PCDHGB5: variants seen among roughly 807,000 people sequenced by gnomAD.
The protein encoded by PCDHGB5 is protocadherin gamma-B5.
Under a neutral mutation model 62.9 loss-of-function variants are expected in PCDHGB5, and 48 were observed. That is an observed-to-expected ratio of 0.76 (90% CI 0.61 to 0.97). The LOEUF is 0.97. Ranked by LOEUF, PCDHGB5 falls within the 50% of genes least tolerant of loss-of-function variation. PCDHGB5 has a pLI of 0.00. For missense variants in PCDHGB5, 1,118 were observed against 1,198.6 expected (o/e 0.93, Z 0.99); for synonymous variants, 474 against 511.2 (o/e 0.93, Z 0.98).
At position 141,426,001 on chromosome 5, in the gene PCDHGB5, T is replaced by C. The variant is rs553657872; in HGVS notation, c.2397+25477T>C. Among the ~76,000 whole-genome samples, 3 of 152,318 alleles carry C rather than the reference T, an allele frequency of 2.0e-5. No individual in the cohort carries two copies. In the South Asian group the frequency reaches 6.2e-4, roughly 32 times the overall value. The stretch of plus-strand genomic sequence containing the variant: ...TGAATCCCATTGAATTAGCAAAGGC[T>C]TCCGGCTGCAGTTTTCTAAATAGAC... On this transcript the variant is annotated intron_variant, in intron 1 of 3. Transcript: ENST00000617380.
chr5:141,491,666 G>T lies in PCDHGB5; in HGVS notation c.2398-3141G>T, dbSNP rs373526771. Reference sequence around the variant, plus strand: ...CTGGCGCTGGAGCCTGACGCCATCCGGTCCCGCTCTAATACGCTGCGGGAG... The same window carrying T: ...CTGGCGCTGGAGCCTGACGCCATCCTGTCCCGCTCTAATACGCTGCGGGAG... On this transcript the variant is annotated intron_variant, in intron 1 of 3. Transcript: ENST00000617380. This position sits in a 1 kb window ranked among gnomAD's most constrained non-coding sequence, Gnocchi z 6.9. 1.2e-6 allele frequency: 2 copies of T among 1,613,732 alleles called. No homozygotes were observed. Among genetic ancestry groups the T allele is most frequent in the Non-Finnish European group, 1.7e-6 (2 of 1,180,008 alleles).
intron 1 of PCDHGB5, chr5:141,422,550 G>A: frequency 6.2e-7 from 1 of 1,613,978 alleles, no homozygotes; most frequent in Non-Finnish European, 8.5e-7. Flanking sequence ...ATGTCTGGCT[G>A]AATGTGGCAG....
At chr5:141,403,892 T>C in intron 1 of PCDHGB5, 1 of 1,613,820 alleles carries the variant, frequency 6.2e-7, no homozygotes, top group Non-Finnish European at 8.5e-7. Flanking sequence ...AGAATGTTCA[T>C]TTTATGAAAT....
intron 1 of PCDHGB5, chr5:141,428,805 C>G (rs1468764398): frequency 6.6e-6 from 1 of 152,108 alleles, no homozygotes; most frequent in African/African-American, 2.4e-5. Flanking sequence ...GGGCCAGTAA[C>G]TTCATTATTA....
chr5:141,483,350 G>C (rs2099580423), intron 1 of PCDHGB5, among the ~76,000 whole-genome samples: 4 of 152,172 alleles, frequency 2.6e-5, no homozygotes, highest in Admixed American at 1.3e-4. Flanking sequence ...CTTTGCAATA[G>C]TTTGAAAGCT....
chr5:141,484,709 C>G (rs1223957454), intron 1 of PCDHGB5, among the ~76,000 whole-genome samples: 1 of 151,072 alleles, frequency 6.6e-6, no homozygotes, highest in Non-Finnish European at 1.5e-5. Context: ...TTTTCCCCGC[C>G]GAAAAGGGGC....
At chr5:141,407,512 T>G (rs910710605) in intron 1 of PCDHGB5, among the ~76,000 whole-genome samples, 3 of 152,192 alleles carry the variant, frequency 2.0e-5, no homozygotes, top group Non-Finnish European at 4.4e-5. Flanking sequence ...TCTTAGGCTA[T>G]GTAGGACTTA....
intron 1 of PCDHGB5, 191 bp downstream of exon 1, chr5:141,400,715 T>C: frequency 1.5e-6 from 1 of 682,576 alleles, no homozygotes; most frequent in Non-Finnish European, 2.4e-6. Context: ...AGTAGCCTTA[T>C]AGATTTACAA....
At chr5:141,424,723 T>A (rs2096836963) in intron 1 of PCDHGB5, 2 of 152,144 alleles carry the variant, frequency 1.3e-5, no homozygotes, top group African/African-American at 4.8e-5. Context: ...TAGTTGGGAG[T>A]CATAGATTCC....
rs2099404338 is a variant in PCDHGB5, at chr5:141,477,060, C to T, written c.2398-17747C>T. On this transcript the variant is annotated intron_variant, in intron 1 of 3. Coordinates refer to ENST00000617380, the MANE Select transcript of PCDHGB5 (RefSeq NM_018925.3). This position sits in a 1 kb window ranked among gnomAD's most constrained non-coding sequence, Gnocchi z 4.9. Reference sequence around the variant, plus strand: ...AAGGGTCGGCTGGACTTCGAGGACACCAAACTCCATGAGATTTACATCCAG... The same window carrying T: ...AAGGGTCGGCTGGACTTCGAGGACATCAAACTCCATGAGATTTACATCCAG... 3.7e-6 allele frequency: 6 copies of T among 1,614,256 alleles called. No individual in the cohort carries two copies. The highest frequency in any genetic ancestry group is 5.1e-6 in the Non-Finnish European group (6 of 1,180,046).
chr5:141,491,361 C>T lies in PCDHGB5; in HGVS notation c.2398-3446C>T. 1 of 1,614,132 alleles carries T rather than the reference C, an allele frequency of 6.2e-7. No homozygotes were observed. The highest frequency in any genetic ancestry group is 8.5e-7 in the Non-Finnish European group (1 of 1,179,982). ...CGACCGTCAGTCTCTTATCCCTAGT[C>T]ACCTTCACCTTTCTGTCAGCGAAGT... On this transcript the variant is annotated intron_variant, in intron 1 of 3. Transcript: ENST00000617380. The surrounding 1 kb of genome is among the most constrained non-coding windows in gnomAD (Gnocchi z 6.9).
chr5:141,454,865 TG>T (rs2098805228), intron 1 of PCDHGB5, among the ~76,000 whole-genome samples: 1 of 135,344 alleles, frequency 7.4e-6, no homozygotes, highest in Non-Finnish European at 1.5e-5. Flanking sequence ...TGGAGTGCAG[TG>T]GCACGATCTT....
chr5:141,432,215 C>T lies in PCDHGB5; in HGVS notation c.2397+31691C>T. The T allele has an allele frequency of 1.9e-6, 3 of 1,614,228 alleles. No individual in the cohort carries two copies. The highest frequency in any genetic ancestry group is 2.5e-6 in the Non-Finnish European group (3 of 1,180,036). The stretch of plus-strand genomic sequence containing the variant: ...CGACCCCGACTGTGAAGAGAACGCC[C>T]AGATCACTTATTCCCTGGCTGAGAA... On this transcript the variant is annotated intron_variant, in intron 1 of 3. Transcript: ENST00000617380. This position sits in a 1 kb window ranked among gnomAD's most constrained non-coding sequence, Gnocchi z 6.0.
intron 1 of PCDHGB5, chr5:141,423,496 G>A (rs1049120602): frequency 1.2e-6 from 2 of 1,613,804 alleles, no homozygotes; most frequent in African/African-American, 1.3e-5. Flanking sequence ...CTATTCCCAC[G>A]AGGTCTCTCT....
intron 1 of PCDHGB5, chr5:141,430,576 T>G (rs767759432): frequency 3.3e-5 from 15 of 459,492 alleles, no homozygotes; most frequent in Non-Finnish European, 5.5e-5. Flanking sequence ...AAAGCGGAGA[T>G]CCTGCTCGCC....
chr5:141,471,789 TCATATAAAAGA>T (rs777265354), intron 1 of PCDHGB5, among the ~76,000 whole-genome samples: 14 of 152,224 alleles, frequency 9.2e-5, no homozygotes, highest in Non-Finnish European at 1.9e-4. Flanking sequence ...TTATGCTATG[TCATATAAAAGA>T]CATATAAAAG....
At chr5:141,501,330 CACA>C (rs1301023208) in intron 2 of PCDHGB5, among the ~76,000 whole-genome samples, 82 of 151,502 alleles carry the variant, frequency 5.4e-4, no homozygotes, top group Admixed American at 2.2e-3. Flanking sequence ...CACACACACA[CACA>C]CCCCAAACTC....
intron 1 of PCDHGB5, chr5:141,416,482 A>G (rs1009921478): frequency 6.6e-6 from 1 of 152,210 alleles, no homozygotes; most frequent in East Asian, 1.9e-4. Context: ...TGTTCCCGAG[A>G]ACAGGAGCAA....
chr5:141,501,509 C>T lies in PCDHGB5; in HGVS notation c.2457-3884C>T, dbSNP rs1046763108. 4.6e-5 allele frequency among the ~76,000 whole-genome samples: 7 copies of T among 152,080 alleles called. No individual in the cohort carries two copies. The South Asian group carries it at 6.2e-4, about 14-fold the overall frequency. On this transcript the variant is annotated intron_variant, in intron 2 of 3. Transcript: ENST00000617380. The stretch of plus-strand genomic sequence containing the variant: ...ATATCTGCTGCTGGGGCTCCAAGGC[C>T]TCCAAGCTGAAGCCCAGTACGTTGT...
Sources: gnomAD v4.1 joint callset for allele counts (sites outside exome capture counted in the v4.1 genomes callset) on GRCh38, gnomAD v4.1.1 for gene constraint, Gnocchi (gnomAD v3.1) non-coding constraint, MANE v1.5 for transcripts, NCBI Gene and HGNC (gene_info 2026-07-23, HGNC 2026-07-21) for gene names.